ASIC2: variants seen among roughly 807,000 people sequenced by gnomAD.
ASIC2 encodes acid-sensing ion channel 2.
ASIC2 carries 25 observed loss-of-function variants against 57.3 expected under a neutral mutation model. The ratio of observed to expected loss-of-function variants is 0.44; its 90% CI spans 0.32 to 0.61. The LOEUF is 0.61. ASIC2 is among the 20% of genes least tolerant of loss of function. The pLI is 0.06. For missense variants in ASIC2, 641 were observed against 738.1 expected (o/e 0.87, Z 1.52); for synonymous variants, 319 against 307.5 (o/e 1.04, Z -0.39).
intron 1 of ASIC2, among the ~76,000 whole-genome samples, chr17:33,513,262 T>C (rs79191170): frequency 0.012 from 1,784 of 152,366 alleles, 16 homozygotes; most frequent in Middle Eastern, 0.037. Context: ...ATTTATTTTA[T>C]GATTCTTTAT....
intron 1 of ASIC2, chr17:34,005,601 C>G (rs938042910): frequency 6.6e-6 from 1 of 152,210 alleles, no homozygotes; most frequent in Non-Finnish European, 1.5e-5. Context: ...CTCACTTATT[C>G]TCCACACCTC....
At chr17:33,331,773 T>G (rs1907319983) in intron 1 of ASIC2, among the ~76,000 whole-genome samples, 2 of 152,356 alleles carry the variant, frequency 1.3e-5, no homozygotes, top group South Asian at 4.1e-4. Context: ...CATCAACCTA[T>G]TGTTATCCCT....
At chr17:33,460,510 G>T (rs940313765) in intron 1 of ASIC2, among the ~76,000 whole-genome samples, 1 of 152,220 alleles carries the variant, frequency 6.6e-6, no homozygotes, top group African/African-American at 2.4e-5. Context: ...GGAAGAAGCC[G>T]TAAGTGAGGC....
chr17:34,143,472 A>T (rs1567837103), intron 1 of ASIC2, among the ~76,000 whole-genome samples: 3 of 152,224 alleles, frequency 2.0e-5, no homozygotes, highest in African/African-American at 7.2e-5. Context: ...TGTAGGAATG[A>T]ATTAGTTCCC....
chr17:33,053,747 A>G (rs1210501788), intron 3 of ASIC2, among the ~76,000 whole-genome samples: 1 of 152,150 alleles, frequency 6.6e-6, no homozygotes, highest in Admixed American at 6.5e-5. Flanking sequence ...CTTCCTGCAA[A>G]CCATCAGGCT....
rs776820229 is a variant in ASIC2 at position 33,291,605 on chromosome 17, C to G, written c.511G>C (p.Val171Leu). Residue 171 changes from valine to leucine, a missense_variant, in exon 1 of 10, where the codon GTC (valine) becomes CTC (leucine). By Grantham distance (32) the Val-to-Leu change is conservative (BLOSUM62 1). Around this residue, in one of 3 missense-constraint regions of ASIC2, gnomAD observed 382 missense variants for 398.0 expected, o/e 0.96. Transcript: ENST00000225823. The stretch of plus-strand genomic sequence containing the variant: ...TCGTCGCCCCGCAGCAGCTCGCTGA[C>G]AAGCGGGCGCGCGGTGCGGTTGGGC... ...LLPNRTARPL[V>L]SELLRGDEPR... 1 of 1,608,130 alleles carries G rather than the reference C, an allele frequency of 6.2e-7. No individual in the cohort carries two copies. The highest frequency in any genetic ancestry group is 8.5e-7 in the Non-Finnish European group (1 of 1,178,096).
At chr17:33,075,385 A>C (rs1163918421) in intron 3 of ASIC2, among the ~76,000 whole-genome samples, 1 of 152,284 alleles carries the variant, frequency 6.6e-6, no homozygotes, top group South Asian at 2.1e-4. Context: ...GCAGTGAGAA[A>C]TGGACTAATA....
At position 33,198,147 on chromosome 17, in the gene ASIC2, G is replaced by A. The variant is rs147429824; in HGVS notation, c.709-86080C>T. ...GGTGGATTACTTGAGCTCAGGAGCT[G>A]GAGACCATCCTGGGCAAAATGGTGA... is the stretch of plus-strand genomic sequence containing the variant. On this transcript the variant is annotated intron_variant, in intron 1 of 9. Transcript: ENST00000225823. 1.1e-3 allele frequency among the ~76,000 whole-genome samples: 160 copies of A among 152,228 alleles called. 1 individual carries two copies. Among genetic ancestry groups the A allele is most frequent in the African/African-American group, 3.8e-3 (157 of 41,542 alleles).
intron 1 of ASIC2, among the ~76,000 whole-genome samples, chr17:33,934,775 C>G (rs1916021817): frequency 1.3e-5 from 2 of 152,218 alleles, no homozygotes; most frequent in African/African-American, 2.4e-5. Flanking sequence ...TGCATACACC[C>G]ACATGGGTGC....
At chr17:33,914,152 G>A (rs1311087662) in intron 1 of ASIC2, among the ~76,000 whole-genome samples, 1 of 152,186 alleles carries the variant, frequency 6.6e-6, no homozygotes, top group African/African-American at 2.4e-5. Context: ...ACAACTGGTT[G>A]CTCCATCTCA....
At chr17:33,754,689 G>A (rs1350201469) in intron 1 of ASIC2, among the ~76,000 whole-genome samples, 2 of 152,018 alleles carry the variant, frequency 1.3e-5, no homozygotes, top group African/African-American at 2.4e-5. Flanking sequence ...TGGTGCGGTG[G>A]CTCACGCCTG....
At chr17:33,952,898 T>C (rs974670814) in intron 1 of ASIC2, among the ~76,000 whole-genome samples, 1 of 152,216 alleles carries the variant, frequency 6.6e-6, no homozygotes, top group Non-Finnish European at 1.5e-5. Context: ...TGGTGATTCC[T>C]GAAATATGCA....
intron 1 of ASIC2, chr17:34,080,947 C>T (rs182560347): frequency 1.3e-5 from 2 of 152,282 alleles, no homozygotes; most frequent in African/African-American, 4.8e-5. Context: ...ATTGAAGATC[C>T]TCCCATTCCC....
At chr17:34,023,378 AACACACACACACAC>A (rs59456457) in intron 1 of ASIC2, among the ~76,000 whole-genome samples, 59 of 147,600 alleles carry the variant, frequency 4.0e-4, no homozygotes, top group African/African-American at 1.4e-3. Context: ...CTCTGTCACA[AACACACACACACAC>A]ACACACACAC....
chr17:33,808,198 C>A (rs1166413360), intron 1 of ASIC2, among the ~76,000 whole-genome samples: 1 of 152,214 alleles, frequency 6.6e-6, no homozygotes, highest in East Asian at 1.9e-4. Context: ...TTAAATGGAT[C>A]TGAGTTTGTG....
At chr17:33,811,811 A>T (rs1174114903) in intron 1 of ASIC2, among the ~76,000 whole-genome samples, 1 of 152,220 alleles carries the variant, frequency 6.6e-6, no homozygotes, top group Non-Finnish European at 1.5e-5. Flanking sequence ...AACCCAGACC[A>T]CAACTCCAAA....
chr17:33,836,223 T>C (rs1437427290), intron 1 of ASIC2, among the ~76,000 whole-genome samples: 1 of 147,722 alleles, frequency 6.8e-6, no homozygotes, highest in Non-Finnish European at 1.5e-5. Flanking sequence ...GTTCAAGCAA[T>C]TCTCATGCCT....
intron 1 of ASIC2, among the ~76,000 whole-genome samples, chr17:33,278,952 C>A (rs1904827554): frequency 6.6e-6 from 1 of 151,902 alleles, no homozygotes; most frequent in Non-Finnish European, 1.5e-5. Flanking sequence ...CAATAAAAGA[C>A]CGAGAAAGGA....
At chr17:33,703,866 T>G (rs919459901) in intron 1 of ASIC2, among the ~76,000 whole-genome samples, 4 of 152,270 alleles carry the variant, frequency 2.6e-5, no homozygotes, top group African/African-American at 9.6e-5. Context: ...AGGCCAGAGC[T>G]CCTAAGCTCT....
Sources: gnomAD v4.1 joint callset for allele counts (sites outside exome capture counted in the v4.1 genomes callset) on GRCh38, gnomAD v4.1.1 for gene constraint, gnomAD v4.1.1 regional missense constraint, MANE v1.5 for transcripts, NCBI Gene and HGNC (gene_info 2026-07-23, HGNC 2026-07-21) for gene names.